NXPH1: variants seen among roughly 807,000 people sequenced by gnomAD.
NXPH1 encodes the protein neurexophilin-1.
Under a neutral mutation model 23.7 loss-of-function variants are expected in NXPH1, and 5 were observed. The observed-to-expected ratio is 0.21, with a 90% CI of 0.11 to 0.44. The LOEUF is 0.44. Among genes scored for constraint, NXPH1 ranks in the 20% least tolerant of loss-of-function variants. The probability of loss-of-function intolerance (pLI) is 0.99; values close to 1 mark genes in which losing one functional copy is unlikely to be tolerated. For synonymous variants in NXPH1, 144 were observed against 122.2 expected (o/e 1.18, Z -1.18); for missense variants, 324 against 321.6 (o/e 1.01, Z -0.06).
At chr7:8,540,953 C>T (rs1818106218) in intron 2 of NXPH1, among the ~76,000 whole-genome samples, 1 of 151,706 alleles carries the variant, frequency 6.6e-6, no homozygotes, top group African/African-American at 2.4e-5. Flanking sequence ...ACAACTCTTC[C>T]AGAACAAAGC....
At chr7:8,506,470 C>T (rs1057322293) in intron 2 of NXPH1, among the ~76,000 whole-genome samples, 14 of 152,014 alleles carry the variant, frequency 9.2e-5, no homozygotes, top group Non-Finnish European at 7.4e-5. Context: ...TAAGTTTATT[C>T]AACTATCTAG....
At position 8,721,340 on chromosome 7, in the gene NXPH1, A is replaced by G. The variant is rs543569240; in HGVS notation, c.55-29668A>G. 7.9e-5 allele frequency among the ~76,000 whole-genome samples: 12 copies of G among 152,300 alleles called. No individual in the cohort carries two copies. The South Asian group carries it at 2.1e-3, about 26-fold the overall frequency. On this transcript the variant is annotated intron_variant, in intron 2 of 2. Transcript: ENST00000405863. ...GTGAATCTCGGTAAATGGCATATGGAAGTTTCTTGTAACTTTTTGTAAATT... is the reference window on the plus strand; with the variant it reads ...GTGAATCTCGGTAAATGGCATATGGGAGTTTCTTGTAACTTTTTGTAAATT...
chr7:8,698,763 C>A (rs1000953266), intron 2 of NXPH1, among the ~76,000 whole-genome samples: 2 of 151,978 alleles, frequency 1.3e-5, no homozygotes, highest in African/African-American at 4.8e-5. Context: ...ATGGTTATGA[C>A]CAGTTTAGGC....
intron 2 of NXPH1, among the ~76,000 whole-genome samples, chr7:8,615,279 G>A (rs116274898): frequency 3.1e-3 from 479 of 152,162 alleles, no homozygotes; most frequent in African/African-American, 0.011. Flanking sequence ...AGTGCGCATG[G>A]TGGCTAAACA....
chr7:8,677,663 C>T lies in NXPH1; in HGVS notation c.55-73345C>T, dbSNP rs1056365910. ...TGAAAAAAGAAAGAAAGAAACCTTCCTCTCTATGCTTAGTTTCCAACTATA... is the reference window on the plus strand; with the variant it reads ...TGAAAAAAGAAAGAAAGAAACCTTCTTCTCTATGCTTAGTTTCCAACTATA... On this transcript the variant is annotated intron_variant, in intron 2 of 2. Coordinates refer to ENST00000405863, the MANE Select transcript of NXPH1 (RefSeq NM_152745.3). Among the ~76,000 whole-genome samples, 12 of 152,258 alleles carry T rather than the reference C, an allele frequency of 7.9e-5. No individual in the cohort carries two copies. In the South Asian group the frequency reaches 8.3e-4, roughly 11 times the overall value.
chr7:8,475,792 A>G (rs1324691203), intron 2 of NXPH1, among the ~76,000 whole-genome samples: 1 of 152,196 alleles, frequency 6.6e-6, no homozygotes, highest in African/African-American at 2.4e-5. Flanking sequence ...TATCACATAT[A>G]TAATTATTGA....
chr7:8,737,064 G>T (rs1780271388), intron 2 of NXPH1, among the ~76,000 whole-genome samples: 1 of 151,988 alleles, frequency 6.6e-6, no homozygotes, highest in South Asian at 2.1e-4. Flanking sequence ...ACAGCAGATC[G>T]ATGAGTCTTA....
intron 2 of NXPH1, among the ~76,000 whole-genome samples, chr7:8,748,062 T>C (rs1780500927): frequency 6.6e-6 from 1 of 152,214 alleles, no homozygotes; most frequent in African/African-American, 2.4e-5. Flanking sequence ...GTATTGCTTT[T>C]TTCTTAAGAA....
intron 2 of NXPH1, among the ~76,000 whole-genome samples, chr7:8,617,367 C>T (rs1819767047): frequency 6.6e-6 from 1 of 152,056 alleles, no homozygotes; most frequent in Non-Finnish European, 1.5e-5. Context: ...ATGTTTGTTG[C>T]ATCACTGTTT....
intron 2 of NXPH1, among the ~76,000 whole-genome samples, chr7:8,734,559 A>T (rs1780214977): frequency 1.3e-5 from 2 of 151,670 alleles, no homozygotes; most frequent in South Asian, 4.2e-4. Context: ...TTGAGCAGTG[A>T]TTTGTTATGA....
intron 2 of NXPH1, among the ~76,000 whole-genome samples, chr7:8,699,582 C>T (rs553027206): frequency 5.3e-5 from 8 of 152,054 alleles, no homozygotes; most frequent in East Asian, 1.9e-4. Context: ...TTAATTTGAA[C>T]GTTAAAAGAA....
chr7:8,454,580 C>G (rs917296400), intron 2 of NXPH1, among the ~76,000 whole-genome samples: 6 of 152,102 alleles, frequency 3.9e-5, no homozygotes, highest in African/African-American at 1.4e-4. Flanking sequence ...TGATGACATG[C>G]ATTGGCCATT....
intron 2 of NXPH1, among the ~76,000 whole-genome samples, chr7:8,650,498 A>G (rs889251788): frequency 3.3e-5 from 5 of 152,230 alleles, no homozygotes; most frequent in Non-Finnish European, 2.9e-5. Flanking sequence ...CAAGTCAGGT[A>G]GTTTATACAT....
rs1816309833 is a variant in NXPH1, at chr7:8,442,042, G to A, written c.54+6275G>A. 6.6e-6 allele frequency among the ~76,000 whole-genome samples: 1 copy of A among 152,128 alleles called. No individual in the cohort carries two copies. The highest frequency in any genetic ancestry group is 6.5e-5 in the Admixed American group (1 of 15,274). Reference sequence around the variant, plus strand: ...GTGGTGGAAAGCGAGATGGCGTTGGGAGCCAGGGCGTTGGGACGGCACAAG... The same window carrying A: ...GTGGTGGAAAGCGAGATGGCGTTGGAAGCCAGGGCGTTGGGACGGCACAAG... On this transcript the variant is annotated intron_variant, in intron 2 of 2. Transcript: ENST00000405863. The surrounding 1 kb of genome is among the most constrained non-coding windows in gnomAD (Gnocchi z 4.6).
Position 8,468,781 on chromosome 7 carries a change from G to C in NXPH1, c.54+33014G>C, listed in dbSNP as rs543528667. 3.9e-5 allele frequency among the ~76,000 whole-genome samples: 6 copies of C among 152,186 alleles called. No individual in the cohort carries two copies. In the South Asian group the frequency reaches 8.3e-4, roughly 21 times the overall value. On this transcript the variant is annotated intron_variant, in intron 2 of 2. Transcript: ENST00000405863. ...ATGGTTAAGTTGTTATGATAGTTCA[G>C]TTCTTAGATTTGAGCGACTATTCTA...
chr7:8,479,085 T>C (rs868170193), intron 2 of NXPH1, among the ~76,000 whole-genome samples: 1 of 152,264 alleles, frequency 6.6e-6, no homozygotes, highest in East Asian at 1.9e-4. Context: ...GGTTAACATA[T>C]ATTGTTTAAC....
chr7:8,735,866 G>A (rs1265255184), intron 2 of NXPH1, among the ~76,000 whole-genome samples: 2 of 152,094 alleles, frequency 1.3e-5, no homozygotes, highest in Non-Finnish European at 2.9e-5. Flanking sequence ...AGTCTTGGGA[G>A]GGTGTATGTG....
At chr7:8,566,457 T>G (rs1818547334) in intron 2 of NXPH1, among the ~76,000 whole-genome samples, 1 of 151,742 alleles carries the variant, frequency 6.6e-6, no homozygotes, top group African/African-American at 2.4e-5. Flanking sequence ...GGCATGTGAG[T>G]TTGAGTGGAC....
chr7:8,561,573 G>C (rs1005217530), intron 2 of NXPH1, among the ~76,000 whole-genome samples: 1 of 151,496 alleles, frequency 6.6e-6, no homozygotes, highest in Non-Finnish European at 1.5e-5. Context: ...AAAATGGGTC[G>C]AGTCACATGG....
Sources: gnomAD v4.1 joint callset for allele counts (sites outside exome capture counted in the v4.1 genomes callset) on GRCh38, gnomAD v4.1.1 for gene constraint, Gnocchi (gnomAD v3.1) non-coding constraint, MANE v1.5 for transcripts, NCBI Gene and HGNC (gene_info 2026-07-23, HGNC 2026-07-21) for gene names.